Variants in C8orf34 observed in about 807,000 individuals in gnomAD.
C8orf34 encodes the protein uncharacterized protein C8orf34.
A neutral mutation model predicts 68.3 loss-of-function variants in C8orf34; 65 were observed. The observed-to-expected ratio is 0.95, with a 90% CI of 0.78 to 1.17. C8orf34 has a LOEUF of 1.17. Among genes scored for constraint, C8orf34 ranks in the 50% most tolerant of loss-of-function variants. C8orf34 has a pLI of 0.00. For missense variants in C8orf34, 664 were observed against 655.4 expected (o/e 1.01, Z -0.14); for synonymous variants, 244 against 241.2 (o/e 1.01, Z -0.11).
At chr8:68,633,621 A>G (rs1818753537) in intron 7 of C8orf34, among the ~76,000 whole-genome samples, 1 of 152,308 alleles carries the variant, frequency 6.6e-6, no homozygotes, top group East Asian at 1.9e-4. Context: ...TTTCCAGCTT[A>G]CCAAATTTCT....
chr8:68,368,656 C>T (rs975924568), intron 1 of C8orf34, among the ~76,000 whole-genome samples: 1 of 152,062 alleles, frequency 6.6e-6, no homozygotes, highest in Non-Finnish European at 1.5e-5. Context: ...TTGGCTAAAA[C>T]TTTTAATTAA....
At chr8:68,683,016 T>G (rs1323000957) in intron 8 of C8orf34, among the ~76,000 whole-genome samples, 1 of 152,084 alleles carries the variant, frequency 6.6e-6, no homozygotes, top group Admixed American at 6.6e-5. Flanking sequence ...GACTGCCAAG[T>G]GTGGCTGTTG....
intron 5 of C8orf34, among the ~76,000 whole-genome samples, chr8:68,494,800 G>A (rs1415141830): frequency 6.6e-6 from 1 of 151,780 alleles, no homozygotes; most frequent in East Asian, 1.9e-4. Flanking sequence ...AGGTTGCAGT[G>A]AGCTGAGATC....
intron 1 of C8orf34, among the ~76,000 whole-genome samples, chr8:68,415,904 A>G (rs1358218877): frequency 6.6e-6 from 1 of 152,180 alleles, no homozygotes; most frequent in Non-Finnish European, 1.5e-5. Context: ...TAAAATTTAA[A>G]ATCTTATGGA....
chr8:68,782,808 AT>A (rs1823718185), intron 11 of C8orf34, among the ~76,000 whole-genome samples: 1 of 152,150 alleles, frequency 6.6e-6, no homozygotes, highest in South Asian at 2.1e-4. Context: ...CTGTAATCCC[AT>A]CACTTTAGGA....
chr8:68,801,330 AC>A (rs999118987), intron 12 of C8orf34, among the ~76,000 whole-genome samples: 66 of 152,194 alleles, frequency 4.3e-4, no homozygotes, highest in African/African-American at 1.6e-3. Context: ...AACAGAAGAT[AC>A]GGCAATACTA....
At position 68,725,890 on chromosome 8, in the gene C8orf34, CT is replaced by C. The variant is rs201445986; in HGVS notation, c.1404+4460del. The stretch of plus-strand genomic sequence containing the variant: ...TTAGGCTATTATCAGTAGCCAATAT[CT>C]TTTTTTATTTTTTTATTTTTATTTT... On this transcript the variant is annotated intron_variant, in intron 10 of 13. Transcript: ENST00000518698. Among the ~76,000 whole-genome samples, 1,116 of 152,108 alleles carry C rather than the reference CT, an allele frequency of 7.3e-3. 19 individuals are homozygous for C. The highest frequency in any genetic ancestry group is 0.025 in the African/African-American group (1,054 of 41,490).
chr8:68,612,253 T>C (rs1818045251), intron 7 of C8orf34, among the ~76,000 whole-genome samples: 1 of 152,188 alleles, frequency 6.6e-6, no homozygotes, highest in African/African-American at 2.4e-5. Context: ...TCTTATGCAC[T>C]GGCTCACTCA....
intron 7 of C8orf34, among the ~76,000 whole-genome samples, chr8:68,547,166 A>C (rs530244027): frequency 8.6e-5 from 13 of 151,850 alleles, no homozygotes; most frequent in Non-Finnish European, 1.8e-4. Flanking sequence ...AGAGAACCAC[A>C]AATTACCAGT....
intron 10 of C8orf34, among the ~76,000 whole-genome samples, chr8:68,770,882 G>A (rs1419477304): frequency 6.6e-6 from 1 of 151,926 alleles, no homozygotes; most frequent in African/African-American, 2.4e-5. Flanking sequence ...TAAAAATCTT[G>A]GAAAAAATGA....
At chr8:68,525,587 G>A in intron 6 of C8orf34, 1 of 887,608 alleles carries the variant, frequency 1.1e-6, no homozygotes, top group South Asian at 1.3e-5. Context: ...CATGATGCCA[G>A]CTGAGGTTGT....
At chr8:68,446,561 T>C in intron 3 of C8orf34, 101 bp downstream of exon 3, 1 of 1,257,324 alleles carries the variant, frequency 8.0e-7, no homozygotes, top group Non-Finnish European at 1.1e-6. Flanking sequence ...TTTCATCTGA[T>C]ATTTCTGGCC....
chr8:68,707,061 G>T (rs1821187626), intron 8 of C8orf34, among the ~76,000 whole-genome samples: 1 of 152,064 alleles, frequency 6.6e-6, no homozygotes, highest in African/African-American at 2.4e-5. Context: ...AAACTCTTAT[G>T]GTAAAAAAAC....
At chr8:68,583,220 C>A (rs541986209) in intron 7 of C8orf34, among the ~76,000 whole-genome samples, 13 of 152,064 alleles carry the variant, frequency 8.5e-5, no homozygotes, top group South Asian at 2.1e-4. Flanking sequence ...TCTCCTACAG[C>A]AGAAATAGAT....
intron 7 of C8orf34, among the ~76,000 whole-genome samples, chr8:68,618,661 C>A (rs111655250): frequency 4.3e-4 from 65 of 152,248 alleles, no homozygotes; most frequent in African/African-American, 1.4e-3. Flanking sequence ...CACCACTCTA[C>A]CTGGCCTTTT....
At chr8:68,514,612 T>G (rs548967657) in intron 5 of C8orf34, among the ~76,000 whole-genome samples, 1 of 152,226 alleles carries the variant, frequency 6.6e-6, no homozygotes, top group East Asian at 1.9e-4. Flanking sequence ...TTTTGAAGAG[T>G]GAGTGTTTTC....
intron 8 of C8orf34, among the ~76,000 whole-genome samples, chr8:68,668,509 T>G (rs1819911004): frequency 6.6e-6 from 1 of 152,130 alleles, no homozygotes; most frequent in South Asian, 2.1e-4. Flanking sequence ...TCCTAGCAAA[T>G]GTGAGGCTCT....
chr8:68,405,118 T>A (rs1809137066), intron 1 of C8orf34, among the ~76,000 whole-genome samples: 1 of 152,182 alleles, frequency 6.6e-6, no homozygotes, highest in African/African-American at 2.4e-5. Context: ...TATTTTATTC[T>A]TTTTGTAGCA....
chr8:68,751,571 A>G (rs146044174), intron 10 of C8orf34, among the ~76,000 whole-genome samples: 1 of 152,276 alleles, frequency 6.6e-6, no homozygotes, highest in African/African-American at 2.4e-5. Flanking sequence ...AAACTCTTAT[A>G]CACCACACAG....
Sources: allele counts gnomAD v4.1 joint callset (sites outside exome capture counted in the v4.1 genomes callset), GRCh38; gene constraint gnomAD v4.1.1; transcripts MANE v1.5; gene names NCBI Gene and HGNC (gene_info 2026-07-23, HGNC 2026-07-21).